Variants in TGS1 observed in about 807,000 individuals in gnomAD.
The protein encoded by TGS1 is trimethylguanosine synthase 1, also known as trimethylguanosine synthase.
TGS1 carries 69 observed loss-of-function variants against 92.2 expected under a neutral mutation model. That is an observed-to-expected ratio of 0.75 (90% CI 0.62 to 0.91). The LOEUF is 0.91. TGS1 is among the 40% of genes least tolerant of loss of function. TGS1 has a pLI of 0.00. For missense variants in TGS1, 1,062 were observed against 1,001.2 expected (o/e 1.06, Z -0.82); for synonymous variants, 345 against 338.1 (o/e 1.02, Z -0.22).
intron 12 of TGS1, among the ~76,000 whole-genome samples, chr8:55,818,681 A>T (rs944515825): frequency 6.6e-6 from 1 of 152,236 alleles, no homozygotes. Flanking sequence ...GAAGACACAA[A>T]TGCAGCTTTG....
At chr8:55,774,834 G>C (rs1442698076) in intron 1 of TGS1, among the ~76,000 whole-genome samples, 1 of 152,324 alleles carries the variant, frequency 6.6e-6, no homozygotes, top group East Asian at 1.9e-4. Flanking sequence ...TGAGGAAGTA[G>C]CTTTTGGAAA....
In TGS1 at chr8:55,811,092, TG is replaced by T; in HGVS notation, c.2356del (p.Asp786MetfsTer32). Reference sequence around the variant, plus strand: ...TTGACATTAGAACAATGATGTCTCCTGATGGATATCCTTTGGAAGTCTTAAG... The same window carrying T: ...TTGACATTAGAACAATGATGTCTCCTATGGATATCCTTTGGAAGTCTTAAG... ...TFDIRTMMSP[D>X]GFEIFRLSKK... On this transcript the variant is annotated frameshift_variant, in exon 11 of 13. Transcript: ENST00000260129. LOFTEE classifies it high-confidence loss of function. The T allele has an allele frequency of 6.2e-7, 1 of 1,610,326 alleles. No individual in the cohort carries two copies. The highest frequency in any genetic ancestry group is 8.5e-7 in the Non-Finnish European group (1 of 1,177,526).
At chr8:55,824,559 T>A (rs770530338) in intron 12 of TGS1, 22 bp from the exon 13 acceptor site, 1 of 1,614,002 alleles carries the variant, frequency 6.2e-7, no homozygotes, top group South Asian at 1.1e-5. Flanking sequence ...TGTGTGTGAC[T>A]TTCTTCTGTT....
intron 9 of TGS1, 29 bp from the exon 10 acceptor site, chr8:55,804,864 A>G (rs1052753976): frequency 1.5e-5 from 24 of 1,604,602 alleles, no homozygotes; most frequent in Non-Finnish European, 1.9e-5. Flanking sequence ...GAAATTGAAC[A>G]TGCTAACACA....
At position 55,796,059 on chromosome 8, in the gene TGS1, C is replaced by T. The variant is rs1812038230; in HGVS notation, c.1449C>T (p.Asp483=). The change falls in exon 7 of 13, where the codon GAC becomes GAT. Residue 483 remains aspartate (D), a synonymous_variant. Coordinates refer to ENST00000260129, the MANE Select transcript of TGS1 (RefSeq NM_024831.8). ...TGAAGCTTAAGTCTAAGTACCTAGA[C>T]ATGCGCAGACAAATAAAGATGAAAA... is the stretch of plus-strand genomic sequence containing the variant. ...KNVKLKSKYL[D]MRRQIKMKNK... The T allele has an allele frequency of 6.2e-7, 1 of 1,612,542 alleles. No homozygotes were observed. Among genetic ancestry groups the T allele is most frequent in the Non-Finnish European group, 8.5e-7 (1 of 1,178,750 alleles).
Position 55,793,733 on chromosome 8 carries a change from A to AATTTATTT in TGS1, c.1367+986_1367+993dup, listed in dbSNP as rs143163863. 9.5e-4 allele frequency among the ~76,000 whole-genome samples: 137 copies of AATTTATTT among 144,964 alleles called. 1 individual carries two copies. Among genetic ancestry groups the AATTTATTT allele is most frequent in the Middle Eastern group, 7.0e-3 (2 of 286 alleles). On this transcript the variant is annotated intron_variant, in intron 6 of 12. Transcript: ENST00000260129. ...CAGGCATGCACCACCATGCCCTGCT[A>AATTTATTT]ATTTATTTATTTATTTATTTATTTA...
At position 55,787,167 on chromosome 8, in the gene TGS1, A is replaced by G. The variant is rs1002292083; in HGVS notation, c.1162+107A>G. On this transcript the variant is annotated intron_variant, in intron 4 of 12. Transcript: ENST00000260129. Reference sequence around the variant, plus strand: ...TGTAGAGTTAAATAATACCAAGTACATTTCATATAATAATGAAATGATTTA... The same window carrying G: ...TGTAGAGTTAAATAATACCAAGTACGTTTCATATAATAATGAAATGATTTA... 2.2e-4 allele frequency: 156 copies of G among 707,162 alleles called. 1 individual carries two copies. The highest frequency in any genetic ancestry group is 2.2e-3 in the South Asian group (105 of 48,834). 43.8% of individuals were successfully genotyped at this position (707,162 alleles called of 1,614,324 possible).
intron 5 of TGS1, 80 bp downstream of exon 5, chr8:55,790,379 T>A: frequency 1.1e-6 from 1 of 897,962 alleles, no homozygotes; most frequent in Non-Finnish European, 1.8e-6. Context: ...ATTAAATGAT[T>A]GTTATGTTCA....
intron 12 of TGS1, among the ~76,000 whole-genome samples, chr8:55,817,948 A>G (rs1243369162): frequency 6.6e-6 from 1 of 152,194 alleles, no homozygotes; most frequent in Non-Finnish European, 1.5e-5. Context: ...CCTCTTAGCC[A>G]TTTCATTGAC....
intron 11 of TGS1, among the ~76,000 whole-genome samples, 199 bp downstream of exon 11, chr8:55,811,296 C>T (rs1362050149): frequency 6.6e-6 from 1 of 151,620 alleles, no homozygotes; most frequent in African/African-American, 2.4e-5. Flanking sequence ...AACCCCGTCT[C>T]TACTAAAAGT....
In TGS1 at chr8:55,798,435, C is replaced by A. The variant is rs1812121155; in HGVS notation, c.1543-479C>A. ...CCAAGGTAGACTGCTTCTATTCTTA[C>A]AGAAGAATTGGCCCTAAATCTTTTT... On this transcript the variant is annotated intron_variant, in intron 7 of 12. Transcript: ENST00000260129. 4.6e-5 allele frequency among the ~76,000 whole-genome samples: 7 copies of A among 152,134 alleles called. No individual in the cohort carries two copies. In the South Asian group the frequency reaches 1.4e-3, roughly 32 times the overall value.
chr8:55,821,091 AG>A (rs1416316302), intron 12 of TGS1, among the ~76,000 whole-genome samples: 1 of 152,246 alleles, frequency 6.6e-6, no homozygotes, highest in Non-Finnish European at 1.5e-5. Context: ...ACGTACAAAA[AG>A]GCTAAAGTTA....
At chr8:55,789,237 T>C (rs1232410982) in intron 4 of TGS1, among the ~76,000 whole-genome samples, 1 of 152,210 alleles carries the variant, frequency 6.6e-6, no homozygotes, top group Non-Finnish European at 1.5e-5. Flanking sequence ...CCACCCACTT[T>C]CTTCCAGTCT....
rs147948851 is a variant in TGS1, at chr8:55,790,273, G to T, written c.1254G>T (p.Glu418Asp). Reference protein sequence around the residue: ...DGDESEEDPPEHKPSKLKRSH... With the variant: ...DGDESEEDPPDHKPSKLKRSH... ...ATGAAAGTGAGGAAGACCCACCTGA[G>T]CATAAGCCAAGCAAACTGAAGAGGA... Residue 418 changes from glutamate to aspartate, a missense_variant, in exon 5 of 13, where the codon GAG becomes GAT. Physicochemically the swap from Glu to Asp is conservative, Grantham distance 45. Transcript: ENST00000260129. 6.2e-7 allele frequency: 1 copy of T among 1,613,808 alleles called. No individual in the cohort carries two copies. Among genetic ancestry groups the T allele is most frequent in the African/African-American group, 1.3e-5 (1 of 74,916 alleles).
intron 9 of TGS1, among the ~76,000 whole-genome samples, chr8:55,803,768 A>ACT (rs1812287529): frequency 6.7e-6 from 1 of 149,816 alleles, no homozygotes; most frequent in Non-Finnish European, 1.5e-5. Context: ...ATCTTGGCTC[A>ACT]GCAACCTCCA....
rs755537471 is a variant in TGS1, at chr8:55,786,269, T to G, written c.371T>G (p.Ile124Arg). The G allele has an allele frequency of 2.9e-5, 43 of 1,492,212 alleles. No individual in the cohort carries two copies. Among genetic ancestry groups the G allele is most frequent in the Middle Eastern group, 1.8e-4 (1 of 5,710 alleles). 92.4% of individuals were successfully genotyped at this position (1,492,212 alleles called of 1,614,324 possible). The part of the protein sequence containing the change: ...VSMNTRNKVK[I>R]KKKKHQKKYL... ...ATGAATACTAGAAATAAAGTTAAAA[T>G]AAAAAAGAAAAAACATCAAAAGAAA... The change falls in exon 4 of 13, where the codon ATA (isoleucine) becomes AGA (arginine). Residue 124 changes from isoleucine to arginine, a missense_variant. Coordinates refer to ENST00000260129, the MANE Select transcript of TGS1 (RefSeq NM_024831.8).
chr8:55,800,439 T>G (rs551173099), intron 8 of TGS1, among the ~76,000 whole-genome samples: 2 of 152,210 alleles, frequency 1.3e-5, no homozygotes, highest in Non-Finnish European at 2.9e-5. Flanking sequence ...GTGGCATAGC[T>G]AGGACTCATT....
At chr8:55,775,114 T>C (rs1269322678) in intron 1 of TGS1, among the ~76,000 whole-genome samples, 1 of 151,960 alleles carries the variant, frequency 6.6e-6, no homozygotes, top group Non-Finnish European at 1.5e-5. Context: ...ATTAGCCAGC[T>C]GTGGTGGCAC....
intron 10 of TGS1, among the ~76,000 whole-genome samples, chr8:55,808,431 T>C (rs1259831063): frequency 6.6e-6 from 1 of 152,104 alleles, no homozygotes; most frequent in South Asian, 2.1e-4. Context: ...CCTGATAAAG[T>C]AGCAAAGAAA....
Sources: allele counts gnomAD v4.1 joint callset (sites outside exome capture counted in the v4.1 genomes callset), GRCh38; gene constraint gnomAD v4.1.1; transcripts MANE v1.5; gene names NCBI Gene and HGNC (gene_info 2026-07-23, HGNC 2026-07-21).